The following SLC9A9 variants were observed in gnomAD, a reference collection of about 807,000 sequenced individuals.
The protein encoded by SLC9A9 is solute carrier family 9 member A9, also known as sodium/hydrogen exchanger 9.
SLC9A9 carries 62 observed loss-of-function variants against 77.8 expected under a neutral mutation model. The observed-to-expected ratio is 0.80, with a 90% CI of 0.65 to 0.98. The LOEUF (loss-of-function observed/expected upper bound fraction) is 0.98, where lower values mean the gene tolerates loss of function less well. Among genes scored for constraint, SLC9A9 ranks in the 50% least tolerant of loss-of-function variants. The probability of loss-of-function intolerance (pLI) is 0.00; values close to 1 mark genes in which losing one functional copy is unlikely to be tolerated. For missense variants in SLC9A9, 775 were observed against 774.9 expected, an observed-to-expected ratio of 1.00 and a Z score of 0.00; for synonymous variants, 320 against 283.5, an observed-to-expected ratio of 1.13 and a Z score of -1.29.
chr3:143,517,445 T>C, intron 9 of SLC9A9: 3 of 1,596,442 alleles, frequency 1.9e-6, no homozygotes, highest in Non-Finnish European at 2.5e-6. Flanking sequence ...CTGGGCTCTC[T>C]CATGCTCCTC....
intron 13 of SLC9A9, among the ~76,000 whole-genome samples, chr3:143,368,037 C>T (rs1292407023): frequency 6.6e-6 from 1 of 152,154 alleles, no homozygotes; most frequent in Non-Finnish European, 1.5e-5. Flanking sequence ...TTTTATTTAA[C>T]TAGATACTCT....
intron 8 of SLC9A9, among the ~76,000 whole-genome samples, chr3:143,554,041 C>A (rs879766158): frequency 7.9e-5 from 12 of 151,974 alleles, no homozygotes; most frequent in Non-Finnish European, 1.5e-4. Flanking sequence ...AGTGTGTAGT[C>A]TATTGGGGGT....
At chr3:143,481,277 C>A (rs1158022208) in intron 11 of SLC9A9, among the ~76,000 whole-genome samples, 1 of 152,080 alleles carries the variant, frequency 6.6e-6, no homozygotes, top group Non-Finnish European at 1.5e-5. Flanking sequence ...GAGAATGATA[C>A]AAACCCAGAC....
At chr3:143,297,136 A>G (rs1378792487) in intron 14 of SLC9A9, among the ~76,000 whole-genome samples, 1 of 152,168 alleles carries the variant, frequency 6.6e-6, no homozygotes, top group Non-Finnish European at 1.5e-5. Flanking sequence ...ATTTTTTCCT[A>G]GGAGTTTTAC....
intron 5 of SLC9A9, among the ~76,000 whole-genome samples, chr3:143,679,665 A>G (rs1933017009): frequency 1.3e-5 from 2 of 152,124 alleles, no homozygotes; most frequent in South Asian, 4.1e-4. Flanking sequence ...GAAAATGATA[A>G]CTGTAGTTTT....
At chr3:143,412,286 G>GGGGTCTC (rs2034110219) in intron 12 of SLC9A9, among the ~76,000 whole-genome samples, 1 of 151,896 alleles carries the variant, frequency 6.6e-6, no homozygotes. Flanking sequence ...GTTGGCCCCC[G>GGGGTCTC]AGAAGGAAGT....
At chr3:143,623,443 A>G (rs1420781800) in intron 6 of SLC9A9, among the ~76,000 whole-genome samples, 1 of 152,240 alleles carries the variant, frequency 6.6e-6, no homozygotes, top group East Asian at 1.9e-4. Flanking sequence ...TCAAACTAGA[A>G]CTCAGGATTA....
At chr3:143,608,904 T>G (rs776483742) in intron 6 of SLC9A9, among the ~76,000 whole-genome samples, 1 of 152,204 alleles carries the variant, frequency 6.6e-6, no homozygotes, top group Non-Finnish European at 1.5e-5. Flanking sequence ...TGAAAAAGAA[T>G]CTGAGTGATG....
At chr3:143,645,945 A>T (rs1470351716) in intron 6 of SLC9A9, among the ~76,000 whole-genome samples, 1 of 152,112 alleles carries the variant, frequency 6.6e-6, no homozygotes, top group Admixed American at 6.6e-5. Flanking sequence ...GAATTATTTT[A>T]TGAGTAGGTT....
intron 6 of SLC9A9, among the ~76,000 whole-genome samples, chr3:143,607,268 T>C (rs7638494): frequency 0.018 from 2,788 of 152,194 alleles, 95 homozygotes; most frequent in African/African-American, 0.063. Context: ...GATAATTTAC[T>C]AATCATATGC....
chr3:143,820,446 T>C (rs1318751008), intron 2 of SLC9A9, among the ~76,000 whole-genome samples: 1 of 152,234 alleles, frequency 6.6e-6, no homozygotes, highest in Non-Finnish European at 1.5e-5. Flanking sequence ...GACTTTTTGC[T>C]AAGGTCAATA....
At chr3:143,604,932 G>C (rs958788234) in intron 6 of SLC9A9, among the ~76,000 whole-genome samples, 1 of 152,158 alleles carries the variant, frequency 6.6e-6, no homozygotes, top group Admixed American at 6.5e-5. Context: ...GGCCCCTCCG[G>C]TTGAAACAAG....
intron 14 of SLC9A9, among the ~76,000 whole-genome samples, chr3:143,328,197 C>T (rs545544380): frequency 7.9e-5 from 12 of 152,234 alleles, no homozygotes; most frequent in South Asian, 4.2e-4. Context: ...CTATGGACTT[C>T]GGCTAATAAT....
intron 11 of SLC9A9, among the ~76,000 whole-genome samples, chr3:143,470,067 T>G (rs1393102482): frequency 6.6e-6 from 1 of 152,166 alleles, no homozygotes; most frequent in Non-Finnish European, 1.5e-5. Context: ...CATTAGGGAA[T>G]GAGAACTCAA....
At chr3:143,730,497 C>T (rs2108809580) in intron 4 of SLC9A9, among the ~76,000 whole-genome samples, 1 of 152,278 alleles carries the variant, frequency 6.6e-6, no homozygotes, top group African/African-American at 2.4e-5. Context: ...CTAGAACATC[C>T]TTTCTTCTGG....
At chr3:143,788,331 C>G (rs546791694) in intron 4 of SLC9A9, among the ~76,000 whole-genome samples, 6 of 152,162 alleles carry the variant, frequency 3.9e-5, no homozygotes, top group Middle Eastern at 3.4e-3. Flanking sequence ...ACAAAAATTC[C>G]AACCACACAG....
intron 5 of SLC9A9, among the ~76,000 whole-genome samples, chr3:143,687,663 G>A (rs761380472): frequency 6.6e-5 from 10 of 151,994 alleles, no homozygotes; most frequent in Middle Eastern, 3.4e-3. Flanking sequence ...TAAAAATCAT[G>A]GAATGTTAGA....
At chr3:143,840,551 A>G (rs1438743142) in intron 1 of SLC9A9, among the ~76,000 whole-genome samples, 1 of 152,210 alleles carries the variant, frequency 6.6e-6, no homozygotes, top group Non-Finnish European at 1.5e-5. Flanking sequence ...AGCTGGGACA[A>G]TGTTTCCAGG....
At chr3:143,420,473 G>T (rs1389392717) in intron 12 of SLC9A9, among the ~76,000 whole-genome samples, 1 of 152,174 alleles carries the variant, frequency 6.6e-6, no homozygotes, top group African/African-American at 2.4e-5. Context: ...CAGAAAGGGT[G>T]AAAATGCCTT....
Sources: gnomAD v4.1 joint callset for allele counts (sites outside exome capture counted in the v4.1 genomes callset) on GRCh38, gnomAD v4.1.1 for gene constraint, MANE v1.5 for transcripts, NCBI Gene and HGNC (gene_info 2026-07-23, HGNC 2026-07-21) for gene names.